SOX5: variants seen among roughly 807,000 people sequenced by gnomAD.
The protein encoded by SOX5 is SRY-box transcription factor 5, also known as transcription factor SOX-5.
Under a neutral mutation model 92.0 loss-of-function variants are expected in SOX5, and 9 were observed. The ratio of observed to expected loss-of-function variants is 0.10; its 90% CI spans 0.06 to 0.17. The LOEUF (loss-of-function observed/expected upper bound fraction) is 0.17, where lower values mean the gene tolerates loss of function less well. SOX5 is among the 10% of genes least tolerant of loss of function. The pLI is 1.00. For missense variants in SOX5, 642 were observed against 944.5 expected (o/e 0.68, Z 4.20); for synonymous variants, 344 against 336.3 (o/e 1.02, Z -0.25).
chr12:23,824,554 G>T (rs1406918245), intron 3 of SOX5, among the ~76,000 whole-genome samples: 1 of 152,184 alleles, frequency 6.6e-6, no homozygotes, highest in East Asian at 1.9e-4. Context: ...GTTGACCCCT[G>T]CTGGGACGTG....
chr12:24,373,338 G>A (rs1439037656), intron 1 of SOX5, among the ~76,000 whole-genome samples: 3 of 152,060 alleles, frequency 2.0e-5, no homozygotes, highest in Non-Finnish European at 2.9e-5. Context: ...ATCGTGTTGT[G>A]TCCTTGCTCA....
chr12:23,604,381 G>T lies in SOX5; in HGVS notation c.1164+6C>A. On this transcript the variant is annotated splice_donor_region_variant and intron_variant, in intron 9 of 14. Transcript: ENST00000451604. ...TGGCAAGACAGTGGCTTCTTCAAAA[G>T]GGTACCTTGCTTTTGGGTGGTGGGC... 6.2e-7 allele frequency: 1 copy of T among 1,613,432 alleles called. No individual in the cohort carries two copies. The highest frequency in any genetic ancestry group is 8.5e-7 in the Non-Finnish European group (1 of 1,179,570).
chr12:24,323,998 G>T (rs540147876), intron 2 of SOX5, among the ~76,000 whole-genome samples: 35 of 152,236 alleles, frequency 2.3e-4, no homozygotes, highest in Admixed American at 8.5e-4. Context: ...AACAATGTCT[G>T]CCACAAATTA....
intron 1 of SOX5, among the ~76,000 whole-genome samples, chr12:23,910,547 T>C (rs2097340829): frequency 6.6e-6 from 1 of 152,132 alleles, no homozygotes; most frequent in Admixed American, 6.6e-5. Flanking sequence ...ATAACTGTAT[T>C]AGTTAGTAAG....
At chr12:23,568,630 C>T (rs184089343) in intron 10 of SOX5, among the ~76,000 whole-genome samples, 1 of 152,184 alleles carries the variant, frequency 6.6e-6, no homozygotes, top group East Asian at 1.9e-4. Flanking sequence ...TTTCTATATT[C>T]CATAGACCTT....
At chr12:23,536,742 C>A in intron 13 of SOX5, 73 bp from the exon 14 acceptor site, 2 of 1,174,572 alleles carry the variant, frequency 1.7e-6, no homozygotes, top group South Asian at 2.4e-5. Flanking sequence ...TGGCTGAGAA[C>A]AAGAAAATCT....
At chr12:23,944,425 G>C (rs572016059) in intron 1 of SOX5, 2 of 152,168 alleles carry the variant, frequency 1.3e-5, no homozygotes, top group East Asian at 3.9e-4. Flanking sequence ...GAAGATGTGT[G>C]AACTCTCAAT....
At chr12:23,661,729 C>A (rs2083077357) in intron 7 of SOX5, among the ~76,000 whole-genome samples, 1 of 152,154 alleles carries the variant, frequency 6.6e-6, no homozygotes, top group African/African-American at 2.4e-5. Context: ...GACTTTCCAG[C>A]AGGAGCAAAT....
At chr12:23,822,010 TTC>T (rs2096128837) in intron 3 of SOX5, among the ~76,000 whole-genome samples, 1 of 152,186 alleles carries the variant, frequency 6.6e-6, no homozygotes, top group Non-Finnish European at 1.5e-5. Context: ...TATTTGATTC[TTC>T]TCTCTTTTCT....
At position 23,979,698 on chromosome 12, in the gene SOX5, G is replaced by GTTTTTTTTTTTTTTTTTTTTTT. The variant is rs67253622; in HGVS notation, c.-1-83675_-1-83674insAAAAAAAAAAAAAAAAAAAAAA. Among the ~76,000 whole-genome samples, 52 of 64,706 alleles carry GTTTTTTTTTTTTTTTTTTTTTT rather than the reference G, an allele frequency of 8.0e-4. 22 individuals are homozygous for GTTTTTTTTTTTTTTTTTTTTTT. The East Asian group carries it at 0.015, about 18-fold the overall frequency. 42.4% of individuals were successfully genotyped at this position (64,706 alleles called of 152,430 possible). A position where few individuals can be genotyped will look rare whatever the true frequency, so the allele number is the denominator to read the frequency against. ...TTCTTCCTTCCATATATATATATAT[G>GTTTTTTTTTTTTTTTTTTTTTT]TTTTTTTTGTTTTTTTTTTTTTTTT... On this transcript the variant is annotated intron_variant, in intron 4 of 4. Coordinates refer to the SOX5 transcript ENST00000446891.
At chr12:23,894,501 A>G (rs2097158738) in intron 2 of SOX5, among the ~76,000 whole-genome samples, 1 of 152,166 alleles carries the variant, frequency 6.6e-6, no homozygotes, top group African/African-American at 2.4e-5. Context: ...TGCTGGGATT[A>G]CAGGTGTGAG....
rs886602907 is a variant in SOX5, at chr12:23,532,108, TTAC to T, written c.*2108_*2110del. The T allele has an allele frequency of 1.3e-5, 2 of 151,088 alleles. No individual in the cohort carries two copies. Among genetic ancestry groups the T allele is most frequent in the Non-Finnish European group, 2.9e-5 (2 of 67,806 alleles). 9.4% of individuals were successfully genotyped at this position (151,088 alleles called of 1,614,324 possible). A position where few individuals can be genotyped will look rare whatever the true frequency, so the allele number is the denominator to read the frequency against. On this transcript the variant is annotated 3_prime_UTR_variant, in exon 15 of 15. Transcript: ENST00000451604. ...GAACAGCTGACCATTATTATTATTA[TTAC>T]TATTATTATTATTATTTTATCATCA...
intron 2 of SOX5, among the ~76,000 whole-genome samples, chr12:23,870,385 C>A (rs2096859965): frequency 6.6e-6 from 1 of 151,970 alleles, no homozygotes; most frequent in Admixed American, 6.6e-5. Flanking sequence ...AAGATTATAC[C>A]TAATTTCCAA....
At chr12:23,649,536 T>C (rs532933550) in intron 7 of SOX5, among the ~76,000 whole-genome samples, 2 of 152,232 alleles carry the variant, frequency 1.3e-5, no homozygotes, top group South Asian at 2.1e-4. Flanking sequence ...GAAAAATTTT[T>C]CCCTAAGCCT....
chr12:24,208,163 C>A (rs1466773112), intron 4 of SOX5, among the ~76,000 whole-genome samples: 1 of 152,150 alleles, frequency 6.6e-6, no homozygotes, highest in African/African-American at 2.4e-5. Flanking sequence ...GCCTGACTTT[C>A]CTGAACTCTT....
chr12:24,130,674 G>A (rs1188791123), intron 4 of SOX5, among the ~76,000 whole-genome samples: 4 of 152,166 alleles, frequency 2.6e-5, no homozygotes, highest in Non-Finnish European at 5.9e-5. Context: ...GGAGAACAGA[G>A]AGGAGGCAGT....
At chr12:24,111,998 T>G (rs1206959941) in intron 4 of SOX5, among the ~76,000 whole-genome samples, 3 of 152,184 alleles carry the variant, frequency 2.0e-5, no homozygotes, top group Admixed American at 6.5e-5. Context: ...GTTTTTTCTA[T>G]GAACAAAGTA....
chr12:24,519,632 GC>G (rs1363459308), intron 1 of SOX5, among the ~76,000 whole-genome samples: 1 of 152,196 alleles, frequency 6.6e-6, no homozygotes, highest in East Asian at 1.9e-4. Context: ...AGCAGACTAA[GC>G]AAAAGAGAAG....
intron 3 of SOX5, among the ~76,000 whole-genome samples, chr12:23,761,783 T>A (rs961739380): frequency 2.6e-5 from 4 of 152,128 alleles, no homozygotes; most frequent in Admixed American, 2.6e-4. Flanking sequence ...GGCTAGTCTG[T>A]TTTAGAACTA....
Sources: gnomAD v4.1 joint callset for allele counts (sites outside exome capture counted in the v4.1 genomes callset) on GRCh38, gnomAD v4.1.1 for gene constraint, MANE v1.5 for transcripts, NCBI Gene and HGNC (gene_info 2026-07-23, HGNC 2026-07-21) for gene names.